The following CCL22 variants were observed in gnomAD, a reference collection of about 807,000 sequenced individuals.
The protein encoded by CCL22 is C-C motif chemokine 22.
Under a neutral mutation model 7.6 loss-of-function variants are expected in CCL22, and 7 were observed. That is an observed-to-expected ratio of 0.92 (90% CI 0.52 to 1.72). CCL22 has a LOEUF of 1.72. Ranked by LOEUF, CCL22 falls within the 40% of genes most tolerant of loss-of-function variation. CCL22 has a pLI of 0.00. For missense variants in CCL22, 115 were observed against 124.7 expected (o/e 0.92, Z 0.37); for synonymous variants, 55 against 47.2 (o/e 1.17, Z -0.68).
upstream of CCL22, among the ~76,000 whole-genome samples, chr16:57,357,921 A>T (rs192781420): frequency 4.6e-5 from 7 of 152,250 alleles, no homozygotes; most frequent in East Asian, 1.2e-3. Context: ...GGAGCCCGGG[A>T]CCTGCCTTTA....
chr16:57,360,523 T>C lies in CCL22; in HGVS notation c.160T>C (p.Tyr54His), dbSNP rs1211091375. ...GCCCCTGCGCGTGGTGAAACACTTC[T>C]ACTGGACCTCAGACTCCTGCCCGAG... is the stretch of plus-strand genomic sequence containing the variant. ...RLPLRVVKHF[Y>H]WTSDSCPRPG... The change falls in exon 2 of 3, where the codon TAC becomes CAC. Residue 54 changes from tyrosine to histidine, a missense_variant. Coordinates refer to ENST00000219235, the MANE Select transcript of CCL22 (RefSeq NM_002990.5). 6.2e-7 allele frequency: 1 copy of C among 1,614,208 alleles called. No homozygotes were observed. Among genetic ancestry groups the C allele is most frequent in the Admixed American group, 1.7e-5 (1 of 60,034 alleles).
At chr16:57,360,353 T>C in intron 1 of CCL22, 84 bp from the exon 2 acceptor site, 1 of 1,538,822 alleles carries the variant, frequency 6.5e-7, no homozygotes, top group South Asian at 1.1e-5. Context: ...TCCTGGAGCC[T>C]GGAGAGGCCG....
intron 1 of CCL22, among the ~76,000 whole-genome samples, chr16:57,359,117 G>T (rs1445923570): frequency 1.3e-5 from 2 of 152,064 alleles, no homozygotes; most frequent in Admixed American, 1.3e-4. Flanking sequence ...TGGGTTGGGG[G>T]TTGTGGTGGG....
At chr16:57,360,644 C>T (rs1302790939) in intron 2 of CCL22, 84 bp downstream of exon 2, 2 of 1,532,826 alleles carry the variant, frequency 1.3e-6, no homozygotes, top group South Asian at 1.1e-5. Flanking sequence ...GGGTGGGACA[C>T]ACCCAGGGAT....
rs1375728495 is a variant in CCL22, at chr16:57,363,936, C to G, written c.*348C>G. 4.2e-6 allele frequency: 1 copy of G among 237,616 alleles called. No individual in the cohort carries two copies. Among genetic ancestry groups the G allele is most frequent in the Non-Finnish European group, 8.4e-6 (1 of 119,412 alleles). 14.7% of individuals were successfully genotyped at this position (237,616 alleles called of 1,614,324 possible). A position where few individuals can be genotyped will look rare whatever the true frequency, so the allele number is the denominator to read the frequency against. On this transcript the variant is annotated 3_prime_UTR_variant, in exon 3 of 3. Coordinates refer to ENST00000219235, the MANE Select transcript of CCL22 (RefSeq NM_002990.5). ...ATCTGGGTTCCATCTCTGTCTCCAG[C>G]CTGCCCACTTCCCTTCATGAATGTT...
chr16:57,361,213 C>T (rs1347574554), intron 2 of CCL22, among the ~76,000 whole-genome samples: 2 of 146,902 alleles, frequency 1.4e-5, no homozygotes, highest in African/African-American at 2.5e-5. Context: ...GAGCCGAGAT[C>T]GCTCCACCTC....
intron 2 of CCL22, 82 bp downstream of exon 2, chr16:57,360,642 C>A: frequency 6.5e-7 from 1 of 1,543,312 alleles, no homozygotes; most frequent in South Asian, 1.1e-5. Context: ...GTGGGTGGGA[C>A]ACACCCAGGG....
intron 2 of CCL22, among the ~76,000 whole-genome samples, chr16:57,361,961 G>A (rs1597990602): frequency 6.6e-6 from 1 of 152,192 alleles, no homozygotes; most frequent in East Asian, 1.9e-4. Flanking sequence ...AAACTTATTT[G>A]ACTTATTTGT....
rs1356523294 is a variant in CCL22 at position 57,364,791 on chromosome 16, C to CCTCT, written c.*1204_*1205insTCTC. ...ACAGTGCCTGGCCTCTTCCCTCTCCCCACCCCCCCCCCAACTTTTTTTTTT... is the reference window on the plus strand; with the variant it reads ...ACAGTGCCTGGCCTCTTCCCTCTCCCCTCTCACCCCCCCCCCAACTTTTTTTTTT... On this transcript the variant is annotated 3_prime_UTR_variant, in exon 3 of 3. Coordinates refer to ENST00000219235, the MANE Select transcript of CCL22 (RefSeq NM_002990.5). The CCTCT allele has an allele frequency of 7.5e-5, 1 of 13,370 alleles. No homozygotes were observed. Among genetic ancestry groups the CCTCT allele is most frequent in the Non-Finnish European group, 2.3e-4 (1 of 4,308 alleles). The allele number at this position is 13,370 out of a possible 1,614,324, so 0.8% of individuals were successfully genotyped here.
chr16:57,363,522 T>C lies in CCL22; in HGVS notation c.216T>C (p.Asp72=). The change falls in exon 3 of 3, where the codon GAT becomes GAC. Residue 72 remains aspartate, a synonymous_variant. Coordinates refer to ENST00000219235, the MANE Select transcript of CCL22 (RefSeq NM_002990.5). ...CTTCCAGGTTGCTAACCTTCAGGGA[T>C]AAGGAGATCTGTGCCGATCCCAGAG... ...RPGVVLLTFR[D]KEICADPRVP... is the part of the protein sequence containing the mutation. The C allele has an allele frequency of 6.2e-7, 1 of 1,613,146 alleles. No homozygotes were observed. Among genetic ancestry groups the C allele is most frequent in the Non-Finnish European group, 8.5e-7 (1 of 1,179,220 alleles).
chr16:57,359,375 G>A (rs223816), intron 1 of CCL22, among the ~76,000 whole-genome samples: 106,279 of 151,750 alleles, frequency 0.7, 40,804 homozygotes, highest in Non-Finnish European at 0.88. Flanking sequence ...GAGTGCAGTG[G>A]GGCAATCTTG....
In CCL22 at chr16:57,365,826, G is replaced by A. The variant is rs1369545333; in HGVS notation, c.*2238G>A. The A allele has an allele frequency of 6.6e-6, 1 of 152,294 alleles. No homozygotes were observed. The highest frequency in any genetic ancestry group is 1.5e-5 in the Non-Finnish European group (1 of 68,102). 9.4% of individuals were successfully genotyped at this position (152,294 alleles called of 1,614,324 possible). On this transcript the variant is annotated 3_prime_UTR_variant, in exon 3 of 3. Coordinates refer to ENST00000219235, the MANE Select transcript of CCL22 (RefSeq NM_002990.5). ...GGTAAAGGACATAAATGTTACAAGT[G>A]TCTGGTCCTTTCTGAGGGAGGCTGG...
rs749486222 is a variant in CCL22, at chr16:57,364,065, G to A, written c.*477G>A. On this transcript the variant is annotated 3_prime_UTR_variant, in exon 3 of 3. Coordinates refer to ENST00000219235, the MANE Select transcript of CCL22 (RefSeq NM_002990.5). ...AGAAAGTCCCACCACCTGCACATGTGTAGCCCCACCAGCCCTCCAAGGCAT... is the reference window on the plus strand; with the variant it reads ...AGAAAGTCCCACCACCTGCACATGTATAGCCCCACCAGCCCTCCAAGGCAT... The A allele has an allele frequency of 1.5e-4, 24 of 162,386 alleles. No individual in the cohort carries two copies. Among genetic ancestry groups the A allele is most frequent in the Non-Finnish European group, 3.0e-4 (22 of 73,396 alleles). The allele number at this position is 162,386 out of a possible 1,614,324, so 10.1% of individuals were successfully genotyped here.
intron 2 of CCL22, among the ~76,000 whole-genome samples, chr16:57,360,953 AG>A (rs1205340764): frequency 6.6e-6 from 1 of 151,792 alleles, no homozygotes; most frequent in Non-Finnish European, 1.5e-5. Context: ...AGATGCTCCC[AG>A]GTTCTGGGCA....
upstream of CCL22, among the ~76,000 whole-genome samples, chr16:57,358,077 A>G (rs3760071): frequency 0.1 from 15,768 of 152,138 alleles, 1,924 homozygotes; most frequent in African/African-American, 0.29. Context: ...ACTGGGCAGG[A>G]ACAGTGGGGT....
chr16:57,365,966 C>G lies in CCL22; in HGVS notation c.*2378C>G, dbSNP rs1902106283. ...CACCTTATAGGCTTGCTGTGGGGCT[C>G]AGGTTGAAAGTGTGGGGAGTGACAC... On this transcript the variant is annotated 3_prime_UTR_variant, in exon 3 of 3. Transcript: ENST00000219235. The G allele has an allele frequency of 6.6e-6, 1 of 152,194 alleles. No homozygotes were observed. The highest frequency in any genetic ancestry group is 1.5e-5 in the Non-Finnish European group (1 of 68,060). The allele number at this position is 152,194 out of a possible 1,614,324, so 9.4% of individuals were successfully genotyped here.
rs1179517054 is a variant in CCL22, at chr16:57,366,023, G to C, written c.*2435G>C. On this transcript the variant is annotated 3_prime_UTR_variant, in exon 3 of 3. Coordinates refer to ENST00000219235, the MANE Select transcript of CCL22 (RefSeq NM_002990.5). ...GGCATCCAGCTCAGTGTCATCCAGGGCCTGTGTCCCTCCCGAACCCAGGGT... is the reference window on the plus strand; with the variant it reads ...GGCATCCAGCTCAGTGTCATCCAGGCCCTGTGTCCCTCCCGAACCCAGGGT... 6 of 152,304 alleles carry C rather than the reference G, an allele frequency of 3.9e-5. No individual in the cohort carries two copies. The highest frequency in any genetic ancestry group is 1.4e-4 in the African/African-American group (6 of 41,458). 9.4% of individuals were successfully genotyped at this position (152,304 alleles called of 1,614,324 possible).
At chr16:57,361,428 T>C (rs1220362152) in intron 2 of CCL22, among the ~76,000 whole-genome samples, 2 of 152,176 alleles carry the variant, frequency 1.3e-5, no homozygotes, top group African/African-American at 2.4e-5. Context: ...CTGTGTTAAC[T>C]GGTTTAATTC....
chr16:57,358,576 A>G (rs1902013517), upstream of CCL22, among the ~76,000 whole-genome samples: 1 of 146,508 alleles, frequency 6.8e-6, no homozygotes, highest in Non-Finnish European at 1.5e-5. Context: ...GTCTGAAACC[A>G]GAGGCGAGGA....
Sources: allele counts gnomAD v4.1 joint callset (sites outside exome capture counted in the v4.1 genomes callset), GRCh38; gene constraint gnomAD v4.1.1; transcripts MANE v1.5; gene names NCBI Gene and HGNC (gene_info 2026-07-23, HGNC 2026-07-21).